LRRIQ1: variants seen among roughly 807,000 people sequenced by gnomAD.
LRRIQ1 encodes the protein leucine-rich repeat- and IQ domain-containing protein 1.
Under a neutral mutation model 211.9 loss-of-function variants are expected in LRRIQ1, and 210 were observed. The observed-to-expected ratio is 0.99, with a 90% CI of 0.89 to 1.11. The LOEUF (loss-of-function observed/expected upper bound fraction) is 1.11. Among genes scored for constraint, LRRIQ1 ranks in the 50% most tolerant of loss-of-function variants. LRRIQ1 has a pLI of 0.00. For synonymous variants in LRRIQ1, 699 were observed against 650.1 expected (o/e 1.08, Z -1.14); for missense variants, 2,136 against 1,939.5 (o/e 1.10, Z -1.90).
At chr12:85,139,496 A>G (rs961221259) in intron 19 of LRRIQ1, among the ~76,000 whole-genome samples, 3 of 151,424 alleles carry the variant, frequency 2.0e-5, no homozygotes, top group Non-Finnish European at 4.4e-5. Context: ...TCATGTGTAC[A>G]TATGTGACAC....
At chr12:85,209,576 G>A (rs1893736061) in intron 24 of LRRIQ1, among the ~76,000 whole-genome samples, 2 of 152,174 alleles carry the variant, frequency 1.3e-5, no homozygotes, top group African/African-American at 4.8e-5. Flanking sequence ...GTTCATCTGA[G>A]TATAGCTACA....
chr12:85,073,300 G>C (rs972465254), intron 11 of LRRIQ1, among the ~76,000 whole-genome samples: 2 of 151,884 alleles, frequency 1.3e-5, no homozygotes, highest in African/African-American at 4.8e-5. Flanking sequence ...ATGCTTTAAT[G>C]TGTTTATTTG....
In LRRIQ1 at chr12:85,237,960, A is replaced by T. The variant is rs539792647; in HGVS notation, c.5016+5204A>T. Among the ~76,000 whole-genome samples the T allele has an allele frequency of 3.4e-4, 52 of 152,152 alleles. 1 individual carries two copies. Among genetic ancestry groups the T allele is most frequent in the Non-Finnish European group, 4.6e-4 (31 of 67,998 alleles). On this transcript the variant is annotated intron_variant, in intron 26 of 26. Transcript: ENST00000393217. ...AGAAAAAAAATCATCACTAGAACCA[A>T]ATCAGATAACCTTTTTAAGATTCTT...
chr12:85,086,995 C>A (rs1007024306), intron 11 of LRRIQ1, among the ~76,000 whole-genome samples: 2 of 151,618 alleles, frequency 1.3e-5, no homozygotes, highest in African/African-American at 4.9e-5. Context: ...GCACAACGTG[C>A]AGGTTTGTTA....
At chr12:85,266,669 G>T (rs56166460), downstream of LRRIQ1, among the ~76,000 whole-genome samples, 14 of 152,054 alleles carry the variant, frequency 9.2e-5, no homozygotes, top group Non-Finnish European at 1.0e-4. Flanking sequence ...GGATCATGAG[G>T]CTTCATTAGA....
chr12:85,119,603 C>A (rs1285819152), intron 15 of LRRIQ1, among the ~76,000 whole-genome samples: 2 of 152,148 alleles, frequency 1.3e-5, no homozygotes, highest in Admixed American at 6.5e-5. Context: ...TCCAAAGTGG[C>A]TGTACCATTT....
At chr12:85,068,361 G>A (rs1225885308) in intron 10 of LRRIQ1, among the ~76,000 whole-genome samples, 1 of 151,752 alleles carries the variant, frequency 6.6e-6, no homozygotes, top group Non-Finnish European at 1.5e-5. Context: ...TATTAGTTTT[G>A]CTTGTTTGTG....
At chr12:85,198,846 G>A (rs1404657100) in intron 24 of LRRIQ1, among the ~76,000 whole-genome samples, 1 of 152,114 alleles carries the variant, frequency 6.6e-6, no homozygotes, top group Non-Finnish European at 1.5e-5. Flanking sequence ...GGGATTACAG[G>A]TGTGAGACAC....
chr12:85,040,756 G>A (rs1878783435), intron 3 of LRRIQ1, among the ~76,000 whole-genome samples, 155 bp downstream of exon 3: 1 of 151,382 alleles, frequency 6.6e-6, no homozygotes, highest in African/African-American at 2.4e-5. Flanking sequence ...ATATTGGACT[G>A]TTGGGTTTAG....
At chr12:85,202,138 G>T (rs1290471710) in intron 24 of LRRIQ1, among the ~76,000 whole-genome samples, 1 of 151,978 alleles carries the variant, frequency 6.6e-6, no homozygotes, top group Non-Finnish European at 1.5e-5. Flanking sequence ...CTATGGTCTT[G>T]ATTGTGGTTA....
chr12:85,178,320 T>C (rs746455235), intron 24 of LRRIQ1, among the ~76,000 whole-genome samples: 1 of 152,096 alleles, frequency 6.6e-6, no homozygotes, highest in Non-Finnish European at 1.5e-5. Context: ...ATACTGCCAT[T>C]GAAAATATTA....
At chr12:85,172,983 C>G (rs1891492531) in intron 24 of LRRIQ1, among the ~76,000 whole-genome samples, 1 of 151,932 alleles carries the variant, frequency 6.6e-6, no homozygotes, top group Non-Finnish European at 1.5e-5. Context: ...GTGGTGCACA[C>G]CTGTAGTCCC....
At chr12:85,144,072 C>T (rs898300958) in intron 19 of LRRIQ1, among the ~76,000 whole-genome samples, 6 of 151,506 alleles carry the variant, frequency 4.0e-5, no homozygotes, top group African/African-American at 7.3e-5. Context: ...TCCTGTCCTC[C>T]GCCCTCAAGT....
intron 6 of LRRIQ1, among the ~76,000 whole-genome samples, chr12:85,050,463 G>T (rs1249564540): frequency 6.6e-6 from 1 of 152,088 alleles, no homozygotes; most frequent in Non-Finnish European, 1.5e-5. Context: ...TGAATGCATT[G>T]TCTTTCTTTC....
intron 3 of LRRIQ1, among the ~76,000 whole-genome samples, chr12:85,043,028 A>G (rs1187296922): frequency 6.6e-6 from 1 of 152,008 alleles, no homozygotes; most frequent in Non-Finnish European, 1.5e-5. Flanking sequence ...CTAAATATTT[A>G]TTGCTGTGTT....
At chr12:85,064,572 G>T (rs1322168130) in intron 8 of LRRIQ1, among the ~76,000 whole-genome samples, 2 of 151,604 alleles carry the variant, frequency 1.3e-5, no homozygotes, top group African/African-American at 4.8e-5. Flanking sequence ...TGTTTGTAGG[G>T]TATTACTCAA....
chr12:85,265,681 G>A (rs1896403444), downstream of LRRIQ1, among the ~76,000 whole-genome samples: 1 of 151,888 alleles, frequency 6.6e-6, no homozygotes, highest in South Asian at 2.1e-4. Flanking sequence ...AAGTGTAAGT[G>A]TAAAATTCAT....
chr12:85,190,357 GTAAC>G (rs1402677935), intron 24 of LRRIQ1, among the ~76,000 whole-genome samples: 1 of 137,396 alleles, frequency 7.3e-6, no homozygotes, highest in Non-Finnish European at 1.6e-5. Context: ...ATTATTAACT[GTAAC>G]TATACAGTTA....
At chr12:85,231,851 G>A (rs1894957319) in intron 25 of LRRIQ1, among the ~76,000 whole-genome samples, 1 of 152,086 alleles carries the variant, frequency 6.6e-6, no homozygotes, top group Non-Finnish European at 1.5e-5. Context: ...AGCACCCAAC[G>A]TTGCTACATT....
Sources: gnomAD v4.1 joint callset for allele counts (sites outside exome capture counted in the v4.1 genomes callset) on GRCh38, gnomAD v4.1.1 for gene constraint, MANE v1.5 for transcripts, NCBI Gene and HGNC (gene_info 2026-07-23, HGNC 2026-07-21) for gene names.